The following NUP205 variants were observed in gnomAD, a reference collection of about 807,000 sequenced individuals.
NUP205 encodes nuclear pore complex protein Nup205.
A neutral mutation model predicts 253.8 loss-of-function variants in NUP205; 76 were observed. The observed-to-expected ratio is 0.30, with a 90% CI of 0.25 to 0.36. The LOEUF is 0.36. NUP205 is among the 10% of genes least tolerant of loss of function. The pLI is 1.00. For missense variants in NUP205, 2,162 were observed against 2,425.5 expected, an observed-to-expected ratio of 0.89 and a Z score of 2.28; for synonymous variants, 832 against 850.1, an observed-to-expected ratio of 0.98 and a Z score of 0.37.
At chr7:135,567,425 C>CA (rs760535798) in intron 1 of NUP205, among the ~76,000 whole-genome samples, 3,489 of 64,918 alleles carry the variant, frequency 0.054, 124 homozygotes, top group African/African-American at 0.08. Context: ...CTGTCTATAC[C>CA]AAAAAAAAAA....
intron 33 of NUP205, 74 bp downstream of exon 33, chr7:135,626,435 T>G: frequency 6.6e-7 from 1 of 1,511,606 alleles, no homozygotes; most frequent in Non-Finnish European, 9.0e-7. Flanking sequence ...ATTCCAAACA[T>G]AATTTTGCCG....
chr7:135,641,955 G>T (rs1794921393), intron 38 of NUP205, among the ~76,000 whole-genome samples: 1 of 151,278 alleles, frequency 6.6e-6, no homozygotes. Flanking sequence ...AATTGAACTT[G>T]AAATTGCCAC....
At chr7:135,642,147 C>T (rs535099841) in intron 38 of NUP205, among the ~76,000 whole-genome samples, 42 of 151,488 alleles carry the variant, frequency 2.8e-4, no homozygotes, top group African/African-American at 8.0e-4. Flanking sequence ...CCCAGCTACT[C>T]GGGAGGCTGA....
chr7:135,618,486 T>C lies in NUP205; in HGVS notation c.3846T>C (p.Ala1282=), dbSNP rs1384627433. The stretch of plus-strand genomic sequence containing the variant: ...AGTGTCTTCATGCAAAACGTCATGC[T>C]CTGGAGTCGTGGAGGCAACTAGTAG... ...LLQCLHAKRH[A]LESWRQLVEI... Residue 1282 remains alanine (A), a synonymous_variant, in exon 28 of 43, where the codon GCT becomes GCC. Transcript: ENST00000285968. The C allele has an allele frequency of 6.2e-7, 1 of 1,614,022 alleles. No individual in the cohort carries two copies. Among genetic ancestry groups the C allele is most frequent in the Non-Finnish European group, 8.5e-7 (1 of 1,180,020 alleles).
At position 135,591,615 on chromosome 7, in the gene NUP205, G is replaced by A; in HGVS notation, c.1624+15G>A. 1.2e-6 allele frequency: 2 copies of A among 1,605,408 alleles called. No individual in the cohort carries two copies. Among genetic ancestry groups the A allele is most frequent in the South Asian group, 1.1e-5 (1 of 88,954 alleles). On this transcript the variant is annotated intron_variant, in intron 11 of 42. Coordinates refer to ENST00000285968, the MANE Select transcript of NUP205 (RefSeq NM_015135.3). ...TAGTAGTCATGGTAAGGAATATGTG[G>A]ATGTTGTTAAAGTTTGTTGTTATAC...
At chr7:135,643,506 C>A in intron 39 of NUP205, 148 bp downstream of exon 39, 1 of 609,720 alleles carries the variant, frequency 1.6e-6, no homozygotes, top group South Asian at 2.9e-5. Flanking sequence ...ACTCCTTCGC[C>A]GTAGCACCAG....
intron 21 of NUP205, 101 bp downstream of exon 21, chr7:135,607,016 A>G: frequency 7.8e-7 from 1 of 1,282,464 alleles, no homozygotes. Flanking sequence ...ATTGAAAGAA[A>G]AAGTGTAAGA....
chr7:135,575,501 A>G (rs895159678), intron 3 of NUP205, among the ~76,000 whole-genome samples: 8 of 152,196 alleles, frequency 5.3e-5, no homozygotes, highest in African/African-American at 1.7e-4. Flanking sequence ...ACTCTTAAAA[A>G]AAAAGTGAAA....
intron 7 of NUP205, among the ~76,000 whole-genome samples, chr7:135,582,072 T>G (rs1220510108): frequency 3.3e-5 from 5 of 151,938 alleles, no homozygotes; most frequent in Non-Finnish European, 5.9e-5. Context: ...GATCACTTGA[T>G]GTCAGGAGTT....
At chr7:135,619,311 C>T in intron 28 of NUP205, 112 bp from the exon 29 acceptor site, 1 of 1,162,508 alleles carries the variant, frequency 8.6e-7, no homozygotes, top group African/African-American at 1.5e-5. Flanking sequence ...TACTGCACTC[C>T]AGCCTCGGTG....
Position 135,644,440 on chromosome 7 carries a change from G to T in NUP205, c.5560-455G>T, listed in dbSNP as rs149195025. Among the ~76,000 whole-genome samples the T allele has an allele frequency of 7.8e-3, 1,182 of 152,318 alleles. 18 individuals are homozygous for T. Among genetic ancestry groups the T allele is most frequent in the African/African-American group, 0.027 (1,117 of 41,570 alleles). On this transcript the variant is annotated intron_variant, in intron 39 of 42. Transcript: ENST00000285968. ...CATTAGCTGGAACAACTGTGCTTGT[G>T]TGTGTGCCACATTGAGAAGTGGTCA...
chr7:135,582,510 A>G (rs1484999041), intron 7 of NUP205, among the ~76,000 whole-genome samples: 1 of 152,156 alleles, frequency 6.6e-6, no homozygotes, highest in African/African-American at 2.4e-5. Context: ...TGTTTGAGAT[A>G]GTGGCTTCCC....
chr7:135,597,243 T>G, intron 13 of NUP205, 125 bp from the exon 14 acceptor site: 1 of 612,742 alleles, frequency 1.6e-6, no homozygotes, highest in Non-Finnish European at 3.0e-6. Flanking sequence ...TTGATTGTCA[T>G]TTTGGTGGAC....
In NUP205 at chr7:135,637,377, A is replaced by ATATTCT. The variant is rs1238171415; in HGVS notation, c.5137-554_5137-553insTATTCT. On this transcript the variant is annotated intron_variant, in intron 36 of 42. Coordinates refer to ENST00000285968, the MANE Select transcript of NUP205 (RefSeq NM_015135.3). ...AAAAGCTTGTCCTTTCTCTTTGAGAACCATGGGAAATACTGTATTCTCAGG... is the reference window on the plus strand; with the variant it reads ...AAAAGCTTGTCCTTTCTCTTTGAGAATATTCTCCATGGGAAATACTGTATTCTCAGG... 1.1e-3 allele frequency among the ~76,000 whole-genome samples: 163 copies of ATATTCT among 152,368 alleles called. 3 individuals carry two copies. Among genetic ancestry groups the ATATTCT allele is most frequent in the South Asian group, 3.9e-3 (19 of 4,828 alleles).
intron 7 of NUP205, 112 bp downstream of exon 7, chr7:135,579,027 C>A: frequency 1.3e-6 from 1 of 766,398 alleles, no homozygotes; most frequent in Non-Finnish European, 2.0e-6. Flanking sequence ...AGGAAGATAT[C>A]CAGAGTTGTA....
intron 38 of NUP205, among the ~76,000 whole-genome samples, chr7:135,641,524 C>T (rs1794914690): frequency 6.6e-6 from 1 of 152,064 alleles, no homozygotes. Context: ...AATCCCAGCA[C>T]TTTGGGAGGC....
chr7:135,604,411 G>T lies in NUP205; in HGVS notation c.2774G>T (p.Cys925Phe). The change falls in exon 19 of 43, where the codon TGC becomes TTC. Residue 925 changes from cysteine to phenylalanine, a missense_variant. Coordinates refer to ENST00000285968, the MANE Select transcript of NUP205 (RefSeq NM_015135.3). ...GCCAAGATCCTCTGTTGTATCTCTT[G>T]CAACTCTAATATTCAGATAAAGTTG... ...ESAKILCCIS[C>F]NSNIQIKLVG... The T allele has an allele frequency of 6.2e-7, 1 of 1,612,462 alleles. No homozygotes were observed. Among genetic ancestry groups the T allele is most frequent in the South Asian group, 1.1e-5 (1 of 90,840 alleles).
At chr7:135,615,888 A>T in intron 23 of NUP205, 28 bp from the exon 24 acceptor site, 1 of 1,583,576 alleles carries the variant, frequency 6.3e-7, no homozygotes. Flanking sequence ...TTACTCTGGG[A>T]AACAAAATTT....
Position 135,648,739 on chromosome 7 carries a change from T to C in NUP205, c.*183T>C, listed in dbSNP as rs1045828052. On this transcript the variant is annotated 3_prime_UTR_variant, in exon 43 of 43. Transcript: ENST00000285968. Reference sequence around the variant, plus strand: ...CCTCACTAGTAAAAAATAAATACTTTTTAAAAAAACAAAACAAATGTATGG... The same window carrying C: ...CCTCACTAGTAAAAAATAAATACTTCTTAAAAAAACAAAACAAATGTATGG... 1 of 394,338 alleles carries C rather than the reference T, an allele frequency of 2.5e-6. No individual in the cohort carries two copies. The highest frequency in any genetic ancestry group is 4.4e-6 in the Non-Finnish European group (1 of 227,410). 24.4% of individuals were successfully genotyped at this position (394,338 alleles called of 1,614,324 possible).
Sources: gnomAD v4.1 joint callset for allele counts (sites outside exome capture counted in the v4.1 genomes callset) on GRCh38, gnomAD v4.1.1 for gene constraint, MANE v1.5 for transcripts, NCBI Gene and HGNC (gene_info 2026-07-23, HGNC 2026-07-21) for gene names.